Variants in MYPN observed in about 807,000 individuals in gnomAD.
MYPN encodes myopalladin.
In MYPN, 63 loss-of-function variants were observed where a neutral mutation model predicts 129.4. The ratio of observed to expected loss-of-function variants is 0.49; its 90% CI spans 0.40 to 0.60. The LOEUF (loss-of-function observed/expected upper bound fraction) is 0.60. MYPN is among the 20% of genes least tolerant of loss of function. The probability of loss-of-function intolerance (pLI) is 0.00; values close to 1 mark genes in which losing one functional copy is unlikely to be tolerated. For missense variants in MYPN, 1,596 were observed against 1,635.4 expected (o/e 0.98, Z 0.42); for synonymous variants, 629 against 600.9 (o/e 1.05, Z -0.68).
chr10:68,158,947 C>T (rs1047950676), intron 7 of MYPN, among the ~76,000 whole-genome samples: 1 of 151,272 alleles, frequency 6.6e-6, no homozygotes, highest in Admixed American at 6.6e-5. Context: ...GTCACCCAGG[C>T]TGGAGTGCAG....
intron 8 of MYPN, 197 bp downstream of exon 8, chr10:68,161,949 G>A (rs1215925296): frequency 4.4e-6 from 2 of 450,220 alleles, no homozygotes; most frequent in East Asian, 7.5e-5. Flanking sequence ...GATTACTTGA[G>A]ATCAGAAGTT....
intron 12 of MYPN, among the ~76,000 whole-genome samples, chr10:68,181,776 CTT>C (rs1389353410): frequency 1.3e-5 from 2 of 152,100 alleles, no homozygotes; most frequent in South Asian, 2.1e-4. Context: ...GCTCCTCACT[CTT>C]TAGATTTCTC....
chr10:68,117,957 C>T (rs980295407), intron 1 of MYPN, among the ~76,000 whole-genome samples: 4 of 151,856 alleles, frequency 2.6e-5, no homozygotes, highest in African/African-American at 9.7e-5. Flanking sequence ...CAAGTTTATA[C>T]GAGGATATTA....
At chr10:68,207,715 G>A (rs371386278) in intron 19 of MYPN, among the ~76,000 whole-genome samples, 5 of 152,152 alleles carry the variant, frequency 3.3e-5, no homozygotes, top group Admixed American at 6.5e-5. Flanking sequence ...CCCCTCTCTC[G>A]TCCAAAGGCG....
rs372512501 is a variant in MYPN at position 68,210,340 on chromosome 10, G to A, written c.3848G>A (p.Arg1283His). The A allele has an allele frequency of 3.3e-5, 53 of 1,614,062 alleles. No individual in the cohort carries two copies. Among genetic ancestry groups the A allele is most frequent in the African/African-American group, 2.8e-4 (21 of 75,038 alleles). Residue 1283 changes from arginine (R) to histidine (H), a missense_variant, in exon 20 of 20, where the codon CGC (arginine) becomes CAC (histidine). Transcript: ENST00000358913. ...PPMSVRPSGSRYGSLTSKGLD... is the reference protein window; with the variant it reads ...PPMSVRPSGSHYGSLTSKGLD... ...ATGTCTGTCCGGCCCAGTGGCAGTC[G>A]CTACGGATCTCTCACCAGTAAAGGA...
intron 12 of MYPN, among the ~76,000 whole-genome samples, chr10:68,180,856 G>A (rs1162754753): frequency 1.3e-5 from 2 of 152,188 alleles, no homozygotes; most frequent in Non-Finnish European, 2.9e-5. Context: ...ACTTTTTGCT[G>A]ATGTGTCCCA....
intron 12 of MYPN, among the ~76,000 whole-genome samples, chr10:68,183,711 T>A (rs1388773129): frequency 1.3e-5 from 2 of 152,140 alleles, no homozygotes; most frequent in South Asian, 2.1e-4. Context: ...CATAGAAGGT[T>A]AAGACCTCTT....
At chr10:68,153,924 T>TG (rs2042822209) in intron 6 of MYPN, among the ~76,000 whole-genome samples, 1 of 149,262 alleles carries the variant, frequency 6.7e-6, no homozygotes, top group Non-Finnish European at 1.5e-5. Flanking sequence ...AGAAGCCAGT[T>TG]TTTTTTTTTT....
rs961340223 is a variant in MYPN, at chr10:68,210,633, A to G, written c.*178A>G. 8 of 739,208 alleles carry G rather than the reference A, an allele frequency of 1.1e-5. No individual in the cohort carries two copies. The African/African-American group carries it at 1.4e-4, about 13-fold the overall frequency. 45.8% of individuals were successfully genotyped at this position (739,208 alleles called of 1,614,324 possible). A position where few individuals can be genotyped will look rare whatever the true frequency, so the allele number is the denominator to read the frequency against. On this transcript the variant is annotated 3_prime_UTR_variant, in exon 20 of 20. Coordinates refer to ENST00000358913, the MANE Select transcript of MYPN (RefSeq NM_032578.4). ...TCTTGCAGTCTCAGCTGAGGGAGAA[A>G]GGTAGGGCTGTGCCTTCTAAAGATT...
chr10:68,143,883 T>C (rs1056576516), intron 3 of MYPN, among the ~76,000 whole-genome samples: 1 of 152,150 alleles, frequency 6.6e-6, no homozygotes, highest in African/African-American at 2.4e-5. Flanking sequence ...GCCCCCCGAA[T>C]AGCTGGGATT....
upstream of MYPN, chr10:68,106,065 C>A (rs1011189201): frequency 4.4e-6 from 2 of 449,454 alleles, no homozygotes; most frequent in Non-Finnish European, 8.9e-6. Flanking sequence ...ATTACTCTGG[C>A]GGGGCAGTAT....
chr10:68,199,493 T>C lies in MYPN; in HGVS notation c.3411T>C (p.Thr1137=), dbSNP rs1256416666. Residue 1137 remains threonine (T), a synonymous_variant, in exon 17 of 20, where the codon ACT becomes ACC. Coordinates refer to ENST00000358913, the MANE Select transcript of MYPN (RefSeq NM_032578.4). ...GVHSLLIDPL[T]QRDAGTYKCI... ...ACTCTCTGCTCATTGACCCACTCACTCAGCGCGACGCAGGGACCTATAAGT... is the reference window on the plus strand; with the variant it reads ...ACTCTCTGCTCATTGACCCACTCACCCAGCGCGACGCAGGGACCTATAAGT... 7 of 1,614,022 alleles carry C rather than the reference T, an allele frequency of 4.3e-6. No homozygotes were observed. The highest frequency in any genetic ancestry group is 5.9e-6 in the Non-Finnish European group (7 of 1,180,032).
intron 1 of MYPN, among the ~76,000 whole-genome samples, chr10:68,100,742 A>G (rs1213508820): frequency 1.3e-5 from 2 of 152,160 alleles, no homozygotes; most frequent in East Asian, 3.9e-4. Flanking sequence ...GTCTTTTTCA[A>G]AAGCAAGAAT....
At chr10:68,155,338 T>C (rs182716105) in intron 6 of MYPN, among the ~76,000 whole-genome samples, 110 of 152,318 alleles carry the variant, frequency 7.2e-4, no homozygotes, top group African/African-American at 2.5e-3. Flanking sequence ...GAAGACAAGC[T>C]TCCCAAGTCT....
chr10:68,125,361 G>A (rs947950794), intron 2 of MYPN, among the ~76,000 whole-genome samples: 1 of 152,130 alleles, frequency 6.6e-6, no homozygotes, highest in Non-Finnish European at 1.5e-5. Context: ...GAAATTAGTA[G>A]GTATATGCTA....
At position 68,151,613 on chromosome 10, in the gene MYPN, C is replaced by G. The variant is rs966584046; in HGVS notation, c.1317+1502C>G. On this transcript the variant is annotated intron_variant, in intron 6 of 19. Transcript: ENST00000358913. Reference sequence around the variant, plus strand: ...AAACAGTGATTAAGTGCCACAGACACTTTAATTTATCATGCCAGTTTGTCA... The same window carrying G: ...AAACAGTGATTAAGTGCCACAGACAGTTTAATTTATCATGCCAGTTTGTCA... Among the ~76,000 whole-genome samples, 8 of 152,174 alleles carry G rather than the reference C, an allele frequency of 5.3e-5. No homozygotes were observed. In the South Asian group the frequency reaches 6.2e-4, roughly 12 times the overall value.
chr10:68,171,146 C>CA lies in MYPN; in HGVS notation c.1974-2908dup, dbSNP rs10656004. On this transcript the variant is annotated intron_variant, in intron 10 of 19. Transcript: ENST00000358913. ...CCTGGGTAACAGAGCAAGACTCTGT[C>CA]AAAAAAAAAAAAGAAAGAAAGAAAG... is the stretch of plus-strand genomic sequence containing the variant. Among the ~76,000 whole-genome samples, 721 of 132,808 alleles carry CA rather than the reference C, an allele frequency of 5.4e-3. 14 individuals carry two copies. Among genetic ancestry groups the CA allele is most frequent in the African/African-American group, 0.014 (510 of 35,894 alleles). 87.1% of individuals were successfully genotyped at this position (132,808 alleles called of 152,430 possible). A position where few individuals can be genotyped will look rare whatever the true frequency, so the allele number is the denominator to read the frequency against.
intron 19 of MYPN, among the ~76,000 whole-genome samples, chr10:68,208,865 A>G (rs1360182522): frequency 6.6e-6 from 1 of 152,260 alleles, no homozygotes; most frequent in South Asian, 2.1e-4. Flanking sequence ...TAATCCTAGG[A>G]AATGCAGTAG....
intron 1 of MYPN, among the ~76,000 whole-genome samples, chr10:68,096,589 T>C (rs2041957807): frequency 6.6e-6 from 1 of 152,164 alleles, no homozygotes. Context: ...ATTAATAATA[T>C]TTGGGCATTT....
Sources: allele counts gnomAD v4.1 joint callset (sites outside exome capture counted in the v4.1 genomes callset), GRCh38; gene constraint gnomAD v4.1.1; transcripts MANE v1.5; gene names NCBI Gene and HGNC (gene_info 2026-07-23, HGNC 2026-07-21).